Variants in MSANTD3 observed in about 807,000 individuals in gnomAD.
MSANTD3 encodes the protein myb/SANT-like DNA-binding domain-containing protein 3.
Under a neutral mutation model 27.7 loss-of-function variants are expected in MSANTD3, and 11 were observed. The ratio of observed to expected loss-of-function variants is 0.40; its 90% CI spans 0.25 to 0.66. The LOEUF is 0.66. Among genes scored for constraint, MSANTD3 ranks in the 30% least tolerant of loss-of-function variants. The pLI, the probability that MSANTD3 is intolerant of heterozygous loss-of-function variation, is 0.41. For missense variants in MSANTD3, 250 were observed against 336.5 expected (o/e 0.74, Z 2.01); for synonymous variants, 131 against 127.2 (o/e 1.03, Z -0.20).
chr9:100,435,345 C>T (rs958712388), intron 1 of MSANTD3, among the ~76,000 whole-genome samples: 4 of 152,276 alleles, frequency 2.6e-5, no homozygotes, highest in Admixed American at 2.6e-4. Flanking sequence ...GCTCTTCAGT[C>T]ATGGTACCCA....
At chr9:100,447,804 C>A (rs1836790065) in intron 2 of MSANTD3, among the ~76,000 whole-genome samples, 1 of 152,130 alleles carries the variant, frequency 6.6e-6, no homozygotes, top group South Asian at 2.1e-4. Context: ...GTTAGCTGCT[C>A]AAAAAACAGT....
rs140113047 is a variant in MSANTD3, at chr9:100,432,162, G to A, written c.-34+4769G>A. 1.3e-5 allele frequency among the ~76,000 whole-genome samples: 2 copies of A among 152,266 alleles called. 1 individual carries two copies. The highest frequency in any genetic ancestry group is 3.9e-4 in the East Asian group (2 of 5,180). ...AGATGATGAAAATAAACACTTCCAA[G>A]TTACATGGCTGCCTGGAGTGGGTGG... On this transcript the variant is annotated intron_variant, in intron 1 of 2. Coordinates refer to ENST00000395067, the MANE Select transcript of MSANTD3 (RefSeq NM_080655.3).
rs1836824010 is a variant in MSANTD3, at chr9:100,449,105, G to A, written c.419-1452G>A. ...AATTGGCATTGTTTTTCTCCAAGGA[G>A]AAGATGCTCGTTATTGGAAATGTAA... On this transcript the variant is annotated intron_variant, in intron 2 of 2. Coordinates refer to ENST00000395067, the MANE Select transcript of MSANTD3 (RefSeq NM_080655.3). The A allele has an allele frequency of 5.1e-6, 5 of 985,222 alleles. No homozygotes were observed. The South Asian group carries it at 2.3e-4, about 46-fold the overall frequency. 61.0% of individuals were successfully genotyped at this position (985,222 alleles called of 1,614,324 possible).
intron 1 of MSANTD3, among the ~76,000 whole-genome samples, chr9:100,431,320 T>A (rs61040084): frequency 2.2e-5 from 3 of 137,924 alleles, no homozygotes; most frequent in East Asian, 2.0e-4. Context: ...TTTTTTTTTT[T>A]AAAGAGACAG....
Position 100,450,963 on chromosome 9 carries a change from C to G in MSANTD3, c.825C>G (p.Pro275=), listed in dbSNP as rs145636753. Residue 275 remains proline (P), a synonymous_variant, in exon 3 of 3, where the codon CCC becomes CCG. Transcript: ENST00000395067. Reference sequence around the variant, plus strand: ...TTAACCGGCCCTTTCCCAATTCGCCCTAAGACTTTGGGGGTGGCTCTCTTG... The same window carrying G: ...TTAACCGGCCCTTTCCCAATTCGCCGTAAGACTTTGGGGGTGGCTCTCTTG... ...SSFNRPFPNS[P] is the part of the protein sequence containing the mutation. The G allele has an allele frequency of 8.9e-6, 14 of 1,575,168 alleles. No homozygotes were observed. In the East Asian group the frequency reaches 2.5e-4, roughly 28 times the overall value.
chr9:100,440,232 G>C (rs148140052), intron 1 of MSANTD3, among the ~76,000 whole-genome samples: 46 of 152,266 alleles, frequency 3.0e-4, no homozygotes, highest in African/African-American at 1.1e-3. Flanking sequence ...GTGACCCAAG[G>C]CAAGAGGCCG....
chr9:100,427,243 C>A lies in MSANTD3; in HGVS notation c.-184C>A, dbSNP rs1057405996. On this transcript the variant is annotated 5_prime_UTR_variant, in exon 1 of 3. Coordinates refer to ENST00000395067, the MANE Select transcript of MSANTD3 (RefSeq NM_080655.3). Reference sequence around the variant, plus strand: ...GCGCGCGCGGCGGGGCCTGGCCGGCCGGGGGCGCGCCGCCGCCGCCGCCGC... The same window carrying A: ...GCGCGCGCGGCGGGGCCTGGCCGGCAGGGGGCGCGCCGCCGCCGCCGCCGC... 6.9e-6 allele frequency: 1 copy of A among 145,340 alleles called. No homozygotes were observed. The highest frequency in any genetic ancestry group is 1.5e-5 in the Non-Finnish European group (1 of 65,546). The allele number at this position is 145,340 out of a possible 1,614,324, so 9.0% of individuals were successfully genotyped here.
At chr9:100,436,013 G>C (rs984311694) in intron 1 of MSANTD3, among the ~76,000 whole-genome samples, 1 of 152,210 alleles carries the variant, frequency 6.6e-6, no homozygotes, top group African/African-American at 2.4e-5. Flanking sequence ...TTTCCTTCTT[G>C]TTCTTCTATG....
rs200196899 is a variant in MSANTD3, at chr9:100,450,983, C to T, written c.*17C>T. 8 of 1,549,674 alleles carry T rather than the reference C, an allele frequency of 5.2e-6. No homozygotes were observed. In the South Asian group the frequency reaches 6.4e-5, roughly 12 times the overall value. ...TCGCCCTAAGACTTTGGGGGTGGCT[C>T]TCTTGTAATTAATCTGTGTTGGCAA... On this transcript the variant is annotated 3_prime_UTR_variant, in exon 3 of 3. Coordinates refer to ENST00000395067, the MANE Select transcript of MSANTD3 (RefSeq NM_080655.3).
chr9:100,445,124 A>G (rs779069385), intron 2 of MSANTD3: 1 of 1,203,248 alleles, frequency 8.3e-7, no homozygotes, highest in Non-Finnish European at 1.2e-6. Context: ...CTCTTTCTAT[A>G]CAGTAAAACA....
chr9:100,435,358 C>G (rs73655543), intron 1 of MSANTD3, among the ~76,000 whole-genome samples: 21,547 of 152,176 alleles, frequency 0.14, 1,770 homozygotes, highest in Middle Eastern at 0.2. Flanking sequence ...GGTACCCATT[C>G]TGAGTATTAA....
intron 2 of MSANTD3, chr9:100,449,229 AC>A: frequency 1.0e-6 from 1 of 985,424 alleles, no homozygotes; most frequent in Non-Finnish European, 1.2e-6. Context: ...CACTGATGTT[AC>A]TGCTCTAATA....
chr9:100,441,563 C>T (rs1421222249), intron 1 of MSANTD3, among the ~76,000 whole-genome samples: 1 of 151,966 alleles, frequency 6.6e-6, no homozygotes, highest in Non-Finnish European at 1.5e-5. Flanking sequence ...TGCCTGAACC[C>T]GGGAGGTGGA....
At chr9:100,433,526 TG>T (rs1836415546) in intron 1 of MSANTD3, among the ~76,000 whole-genome samples, 1 of 152,120 alleles carries the variant, frequency 6.6e-6, no homozygotes, top group African/African-American at 2.4e-5. Context: ...CATGCCACCT[TG>T]CCTGGCTAGT....
chr9:100,445,217 CT>C (rs2118250040), intron 2 of MSANTD3: 1 of 1,608,064 alleles, frequency 6.2e-7, no homozygotes, highest in South Asian at 1.1e-5. Context: ...ATCATCCTTT[CT>C]GGGACTTGGT....
chr9:100,446,407 A>T (rs1157081903), intron 2 of MSANTD3, among the ~76,000 whole-genome samples: 4 of 152,118 alleles, frequency 2.6e-5, no homozygotes, highest in Non-Finnish European at 1.5e-5. Flanking sequence ...CATCTGAATC[A>T]TTCTAACGCG....
chr9:100,449,129 A>G, intron 2 of MSANTD3: 1 of 985,424 alleles, frequency 1.0e-6, no homozygotes, highest in Non-Finnish European at 1.2e-6. Context: ...TTGGAAATGT[A>G]AAGCTTCTCA....
At chr9:100,443,372 G>C (rs113232750) in intron 2 of MSANTD3, among the ~76,000 whole-genome samples, 36,622 of 150,600 alleles carry the variant, frequency 0.24, 4,800 homozygotes, top group African/African-American at 0.33. Context: ...GCACGCCAGC[G>C]TAGGCAACAA....
At position 100,442,056 on chromosome 9, in the gene MSANTD3, C is replaced by G. The variant is rs763870822; in HGVS notation, c.118C>G (p.Arg40Gly). The change falls in exon 2 of 3, where the codon CGA becomes GGA. Residue 40 changes from arginine (R) to glycine (G), a missense_variant. Arg to Gly is a moderately radical substitution (Grantham distance 125). Coordinates refer to ENST00000395067, the MANE Select transcript of MSANTD3 (RefSeq NM_080655.3). Reference sequence around the variant, plus strand: ...GCTGGAATGTAAGAAAAGTGATGCGCGAACTATTGCCCTTAAGCAGCGTAC... The same window carrying G: ...GCTGGAATGTAAGAAAAGTGATGCGGGAACTATTGCCCTTAAGCAGCGTAC... The part of the protein sequence containing the change: ...YVLECKKSDA[R>G]TIALKQRTWQ... 6.2e-7 allele frequency: 1 copy of G among 1,614,190 alleles called. No individual in the cohort carries two copies. The highest frequency in any genetic ancestry group is 1.1e-5 in the South Asian group (1 of 91,082).
Sources: gnomAD v4.1 joint callset for allele counts (sites outside exome capture counted in the v4.1 genomes callset) on GRCh38, gnomAD v4.1.1 for gene constraint, MANE v1.5 for transcripts, NCBI Gene and HGNC (gene_info 2026-07-23, HGNC 2026-07-21) for gene names.